The following TLN2 variants were observed in gnomAD, a reference collection of about 807,000 sequenced individuals.
TLN2 encodes the protein talin 2.
Under a neutral mutation model 294.7 loss-of-function variants are expected in TLN2, and 118 were observed. The observed-to-expected ratio is 0.40, with a 90% CI of 0.34 to 0.47. TLN2 has a LOEUF of 0.47. TLN2 is among the 20% of genes least tolerant of loss of function. The probability of loss-of-function intolerance (pLI) is 0.84; values close to 1 mark genes in which losing one functional copy is unlikely to be tolerated. For missense variants in TLN2, 3,083 were observed against 3,282.2 expected, an observed-to-expected ratio of 0.94 and a Z score of 1.48; for synonymous variants, 1,431 against 1,304.5, an observed-to-expected ratio of 1.10 and a Z score of -2.09.
At chr15:62,393,752 C>T (rs942886564) in intron 1 of TLN2, among the ~76,000 whole-genome samples, 1 of 151,962 alleles carries the variant, frequency 6.6e-6, no homozygotes, top group Non-Finnish European at 1.5e-5. Flanking sequence ...ACCCTCCAAT[C>T]TTTATTCCCA....
chr15:62,794,452 G>A (rs1441410666), intron 46 of TLN2, among the ~76,000 whole-genome samples: 1 of 152,128 alleles, frequency 6.6e-6, no homozygotes, highest in Admixed American at 6.5e-5. Flanking sequence ...CTTCACAGAG[G>A]GTGGGATGCT....
intron 1 of TLN2, among the ~76,000 whole-genome samples, chr15:62,454,204 G>A (rs16945078): frequency 0.025 from 3,782 of 152,228 alleles, 53 homozygotes; most frequent in Non-Finnish European, 0.029. Context: ...AACTCTGATT[G>A]TACTCCGGAT....
Position 62,750,393 on chromosome 15 carries a change from CT to C in TLN2, c.4120-7del, listed in dbSNP as rs1163895612. ...TGCTTGCTTTTTATGTTGTGTTCTTCTTCTGTAGACTGTGAAGGGGATGTTG... is the reference window on the plus strand; with the variant it reads ...TGCTTGCTTTTTATGTTGTGTTCTTCTCTGTAGACTGTGAAGGGGATGTTG... On this transcript the variant is annotated splice_polypyrimidine_tract_variant and splice_region_variant and intron_variant, in intron 33 of 58. Coordinates refer to ENST00000636159, the MANE Select transcript of TLN2 (RefSeq NM_015059.3). 1 of 1,612,736 alleles carries C rather than the reference CT, an allele frequency of 6.2e-7. No homozygotes were observed. Among genetic ancestry groups the C allele is most frequent in the African/African-American group, 1.3e-5 (1 of 75,004 alleles).
intron 22 of TLN2, among the ~76,000 whole-genome samples, chr15:62,712,838 G>A (rs897387711): frequency 3.9e-5 from 6 of 152,006 alleles, no homozygotes; most frequent in Admixed American, 1.3e-4. Context: ...ATTTTTCTGG[G>A]TTTTTTATTG....
chr15:62,487,196 C>G (rs374875386), intron 1 of TLN2, among the ~76,000 whole-genome samples: 1 of 152,160 alleles, frequency 6.6e-6, no homozygotes, highest in Non-Finnish European at 1.5e-5. Flanking sequence ...TTGTGAATCT[C>G]TTCTCTTCTG....
intron 21 of TLN2, among the ~76,000 whole-genome samples, chr15:62,709,970 G>A (rs1437586974): frequency 2.6e-5 from 4 of 152,030 alleles, no homozygotes; most frequent in African/African-American, 9.7e-5. Flanking sequence ...CCTGACCTCA[G>A]GTGATCTGCC....
At chr15:62,486,842 T>G (rs1230905160) in intron 1 of TLN2, among the ~76,000 whole-genome samples, 1 of 151,926 alleles carries the variant, frequency 6.6e-6, no homozygotes, top group Non-Finnish European at 1.5e-5. Flanking sequence ...TATTGGATTT[T>G]CCTAAAGTGG....
intron 1 of TLN2, among the ~76,000 whole-genome samples, chr15:62,527,782 A>G (rs1361193549): frequency 6.6e-6 from 1 of 152,194 alleles, no homozygotes; most frequent in African/African-American, 2.4e-5. Flanking sequence ...AAGGGGAAAA[A>G]TGCTTTTGTG....
Position 62,736,906 on chromosome 15 carries a change from T to C in TLN2, c.3387T>C (p.Ala1129=). The C allele has an allele frequency of 6.2e-7, 1 of 1,614,110 alleles. No homozygotes were observed. The highest frequency in any genetic ancestry group is 1.1e-5 in the South Asian group (1 of 91,074). Residue 1129 remains alanine (A), a synonymous_variant, in exon 29 of 59, where the codon GCT becomes GCC. Coordinates refer to ENST00000636159, the MANE Select transcript of TLN2 (RefSeq NM_015059.3). ...TGVAARETAQ[A]LKTLAQAARG... is the part of the protein sequence containing the mutation. ...TGGCTGCTAGAGAGACGGCCCAAGC[T>C]CTGAAAACACTGGCCCAGGCCGCCC...
intron 9 of TLN2, among the ~76,000 whole-genome samples, chr15:62,662,815 TGA>T: frequency 7.7e-6 from 1 of 129,230 alleles, no homozygotes; most frequent in African/African-American, 2.7e-5. Flanking sequence ...TTTTAGGGAT[TGA>T]GAGAGTTTTT....
chr15:62,728,844 G>T (rs1253281951), intron 28 of TLN2, among the ~76,000 whole-genome samples: 1 of 152,048 alleles, frequency 6.6e-6, no homozygotes, highest in Non-Finnish European at 1.5e-5. Flanking sequence ...ATGAACAAAA[G>T]GTTTTATTTT....
intron 1 of TLN2, among the ~76,000 whole-genome samples, chr15:62,405,334 A>G (rs2033327879): frequency 6.6e-6 from 1 of 152,142 alleles, no homozygotes; most frequent in Non-Finnish European, 1.5e-5. Flanking sequence ...CAGCCAGGGG[A>G]CTGGGGACAG....
At chr15:62,608,224 A>G (rs1038038529) in intron 2 of TLN2, among the ~76,000 whole-genome samples, 3 of 152,176 alleles carry the variant, frequency 2.0e-5, no homozygotes, top group Admixed American at 6.5e-5. Flanking sequence ...AAAGGAAAAT[A>G]TGTTTATATC....
chr15:62,579,394 A>G (rs750522630), intron 1 of TLN2, among the ~76,000 whole-genome samples: 2 of 152,216 alleles, frequency 1.3e-5, no homozygotes, highest in Non-Finnish European at 2.9e-5. Context: ...TATTTATGGA[A>G]AGTGAGTATT....
intron 1 of TLN2, among the ~76,000 whole-genome samples, chr15:62,483,652 C>G (rs565821622): frequency 4.6e-4 from 70 of 152,276 alleles, no homozygotes; most frequent in African/African-American, 1.6e-3. Flanking sequence ...TGTTGGCAGA[C>G]ATAAGAAGTA....
At chr15:62,658,881 C>T (rs149099523) in intron 9 of TLN2, among the ~76,000 whole-genome samples, 1 of 152,068 alleles carries the variant, frequency 6.6e-6, no homozygotes, top group African/African-American at 2.4e-5. Flanking sequence ...ATTATGGCCA[C>T]GGATATTGAG....
intron 52 of TLN2, 37 bp from the exon 53 acceptor site, chr15:62,819,479 A>C (rs368812608): frequency 4.5e-5 from 67 of 1,495,212 alleles, no homozygotes; most frequent in Non-Finnish European, 5.5e-5. Flanking sequence ...AGTGGTTACT[A>C]TCCCCCTCAT....
At chr15:62,636,818 C>A (rs765397950) in intron 3 of TLN2, among the ~76,000 whole-genome samples, 5 of 152,202 alleles carry the variant, frequency 3.3e-5, no homozygotes, top group Non-Finnish European at 7.3e-5. Flanking sequence ...GGGGGCCACA[C>A]TATCTCACAA....
At chr15:62,408,822 T>C (rs2033584806) in intron 1 of TLN2, among the ~76,000 whole-genome samples, 1 of 152,082 alleles carries the variant, frequency 6.6e-6, no homozygotes, top group Non-Finnish European at 1.5e-5. Flanking sequence ...CTTCTTCTTC[T>C]TTTTCTTTTT....
Sources: allele counts gnomAD v4.1 joint callset (sites outside exome capture counted in the v4.1 genomes callset), GRCh38; gene constraint gnomAD v4.1.1; transcripts MANE v1.5; gene names NCBI Gene and HGNC (gene_info 2026-07-23, HGNC 2026-07-21).